DSCAM: variants seen among roughly 807,000 people sequenced by gnomAD.
DSCAM encodes cell adhesion molecule DSCAM.
In DSCAM, 47 loss-of-function variants were observed where a neutral mutation model predicts 217.7. The ratio of observed to expected loss-of-function variants is 0.22; its 90% CI spans 0.17 to 0.28. DSCAM has a LOEUF of 0.28. Ranked by LOEUF, DSCAM falls within the 10% of genes least tolerant of loss-of-function variation. The pLI, the probability that DSCAM is intolerant of heterozygous loss-of-function variation, is 1.00. For missense variants in DSCAM, 2,080 were observed against 2,618.3 expected (o/e 0.79, Z 4.49); for synonymous variants, 1,056 against 1,015.3 (o/e 1.04, Z -0.76).
At chr21:40,386,421 A>G (rs1411750777) in intron 3 of DSCAM, among the ~76,000 whole-genome samples, 1 of 152,226 alleles carries the variant, frequency 6.6e-6, no homozygotes, top group Non-Finnish European at 1.5e-5. Flanking sequence ...CTTCAAAGGC[A>G]CCTGCCTGGT....
At chr21:40,485,343 C>T (rs552989998) in intron 3 of DSCAM, among the ~76,000 whole-genome samples, 359 of 151,278 alleles carry the variant, frequency 2.4e-3, no homozygotes, top group African/African-American at 8.1e-3. Context: ...CCCAGGTTCA[C>T]GCCATTCTCC....
Position 40,319,694 on chromosome 21 carries a change from C to G in DSCAM, c.1784-7335G>C, listed in dbSNP as rs143031150. On this transcript the variant is annotated intron_variant, in intron 8 of 32. Transcript: ENST00000400454. ...ACACTAATTTACATCCCCACCAACA[C>G]TGTACGGGGTTCCATTTTCTCCACA... is the stretch of plus-strand genomic sequence containing the variant. Among the ~76,000 whole-genome samples, 683 of 152,300 alleles carry G rather than the reference C, an allele frequency of 4.5e-3. 6 individuals are homozygous for G. The highest frequency in any genetic ancestry group is 0.015 in the African/African-American group (636 of 41,560).
intron 8 of DSCAM, among the ~76,000 whole-genome samples, chr21:40,312,967 A>G (rs2074155771): frequency 6.6e-6 from 1 of 151,938 alleles, no homozygotes; most frequent in African/African-American, 2.4e-5. Context: ...TTTTTAAAAA[A>G]TTAGCCAGGT....
intron 3 of DSCAM, among the ~76,000 whole-genome samples, chr21:40,530,626 C>T (rs779552670): frequency 2.0e-5 from 3 of 152,088 alleles, no homozygotes; most frequent in Non-Finnish European, 2.9e-5. Context: ...TTTTTCTCAT[C>T]TATAGAGACA....
rs376557206 is a variant in DSCAM, at chr21:40,365,290, G to C, written c.655+3809C>G. 2.0e-5 allele frequency among the ~76,000 whole-genome samples: 3 copies of C among 152,246 alleles called. No homozygotes were observed. In the South Asian group the frequency reaches 6.2e-4, roughly 32 times the overall value. ...GGATAAAAGCAGGCAGAGGAACATG[G>C]AAAGACTAGACTGGCTTAGTCCTCC... On this transcript the variant is annotated intron_variant, in intron 4 of 32. Transcript: ENST00000400454.
At chr21:40,705,421 G>T (rs907666953) in intron 2 of DSCAM, among the ~76,000 whole-genome samples, 2 of 150,986 alleles carry the variant, frequency 1.3e-5, no homozygotes, top group African/African-American at 4.9e-5. Context: ...TTTTTTTTCA[G>T]TTGGTTGTAT....
chr21:40,637,198 T>A (rs867986472), intron 3 of DSCAM, among the ~76,000 whole-genome samples: 16 of 8,558 alleles, frequency 1.9e-3, no homozygotes, highest in South Asian at 0.011. Flanking sequence ...AATATAAATA[T>A]ATATATAAAT....
At chr21:40,457,953 T>C (rs1300451862) in intron 3 of DSCAM, among the ~76,000 whole-genome samples, 1 of 152,134 alleles carries the variant, frequency 6.6e-6, no homozygotes, top group Non-Finnish European at 1.5e-5. Flanking sequence ...TGAGTAAGCA[T>C]ATACTCAGCA....
At position 40,052,068 on chromosome 21, in the gene DSCAM, C is replaced by T. The variant is rs1568914473; in HGVS notation, c.5075G>A (p.Gly1692Glu). The T allele has an allele frequency of 6.2e-7, 1 of 1,614,106 alleles. No individual in the cohort carries two copies. The highest frequency in any genetic ancestry group is 8.5e-7 in the Non-Finnish European group (1 of 1,180,020). The change falls in exon 30 of 33, where the codon GGA becomes GAA. Residue 1692 changes from glycine to glutamate, a missense_variant. Transcript: ENST00000400454. ...STVLLTDADF[G>E]EAAKQKSLTV... ...CAGGGACTTCTGCTTAGCTGCCTCT[C>T]CAAAGTCAGCATCCGTCAACAGAAC...
At chr21:40,295,846 A>G (rs2073948170) in intron 10 of DSCAM, among the ~76,000 whole-genome samples, 1 of 152,254 alleles carries the variant, frequency 6.6e-6, no homozygotes, top group Non-Finnish European at 1.5e-5. Flanking sequence ...TTCCAAGGGC[A>G]TGTTATGTAC....
chr21:40,689,955 A>G (rs983987147), intron 3 of DSCAM, among the ~76,000 whole-genome samples: 6 of 152,136 alleles, frequency 3.9e-5, no homozygotes, highest in African/African-American at 1.4e-4. Flanking sequence ...GCTTCCCTGG[A>G]GTGGCTCAGC....
intron 3 of DSCAM, among the ~76,000 whole-genome samples, chr21:40,574,729 G>C (rs1442490819): frequency 7.6e-6 from 1 of 131,978 alleles, no homozygotes; most frequent in African/African-American, 3.0e-5. Context: ...TTTTTTTTGA[G>C]ACGGAGACTT....
Position 40,732,526 on chromosome 21 carries a change from G to C in DSCAM, c.44-23755C>G, listed in dbSNP as rs547901842. ...ATTCAATAACTTCATCTCCTTGGAGGCTCCTTGCCTGACTGATGTGGACAA... is the reference window on the plus strand; with the variant it reads ...ATTCAATAACTTCATCTCCTTGGAGCCTCCTTGCCTGACTGATGTGGACAA... On this transcript the variant is annotated intron_variant, in intron 1 of 32. Coordinates refer to ENST00000400454, the MANE Select transcript of DSCAM (RefSeq NM_001389.5). Among the ~76,000 whole-genome samples the C allele has an allele frequency of 6.0e-4, 92 of 152,104 alleles. 1 individual carries two copies. The highest frequency in any genetic ancestry group is 2.1e-3 in the African/African-American group (88 of 41,426).
At chr21:40,602,171 CCA>C (rs1194342059) in intron 3 of DSCAM, among the ~76,000 whole-genome samples, 1 of 150,918 alleles carries the variant, frequency 6.6e-6, no homozygotes, top group Non-Finnish European at 1.5e-5. Context: ...AGTAATTCTC[CCA>C]CCTCAGCCTC....
chr21:40,573,047 A>G (rs1320140400), intron 3 of DSCAM, among the ~76,000 whole-genome samples: 1 of 152,202 alleles, frequency 6.6e-6, no homozygotes, highest in Non-Finnish European at 1.5e-5. Context: ...AAATTCATAT[A>G]AAGTATGATA....
At chr21:40,510,818 T>C (rs1036326994) in intron 3 of DSCAM, among the ~76,000 whole-genome samples, 14 of 152,200 alleles carry the variant, frequency 9.2e-5, no homozygotes, top group African/African-American at 1.2e-4. Context: ...ATGCCAACAA[T>C]TGGAGAACTC....
intron 2 of DSCAM, among the ~76,000 whole-genome samples, chr21:40,705,918 T>C (rs182218433): frequency 6.6e-6 from 1 of 152,272 alleles, no homozygotes; most frequent in East Asian, 1.9e-4. Flanking sequence ...GGGTCGCTCA[T>C]GCCTGTAATC....
At chr21:40,587,798 A>G (rs1004243973) in intron 3 of DSCAM, among the ~76,000 whole-genome samples, 6 of 152,036 alleles carry the variant, frequency 3.9e-5, no homozygotes, top group African/African-American at 1.4e-4. Flanking sequence ...ATCAATTTGC[A>G]TTTGGTTTAG....
chr21:40,735,909 C>G (rs1239515146), intron 1 of DSCAM, among the ~76,000 whole-genome samples: 1 of 152,128 alleles, frequency 6.6e-6, no homozygotes, highest in Non-Finnish European at 1.5e-5. Context: ...GACTTCCCCA[C>G]CCCCAGCTTA....
Sources: gnomAD v4.1 joint callset for allele counts (sites outside exome capture counted in the v4.1 genomes callset) on GRCh38, gnomAD v4.1.1 for gene constraint, MANE v1.5 for transcripts, NCBI Gene and HGNC (gene_info 2026-07-23, HGNC 2026-07-21) for gene names.